The following DNAH6 variants were observed in gnomAD, a reference collection of about 807,000 sequenced individuals.
The protein encoded by DNAH6 is axonemal beta dynein heavy chain 6.
In DNAH6, 340 loss-of-function variants were observed where a neutral mutation model predicts 491.4. The ratio of observed to expected loss-of-function variants is 0.69; its 90% CI spans 0.63 to 0.76. The LOEUF is 0.76. Ranked by LOEUF, DNAH6 falls within the 30% of genes least tolerant of loss-of-function variation. DNAH6 has a pLI of 0.00. For synonymous variants in DNAH6, 1,603 were observed against 1,686.1 expected (o/e 0.95, Z 1.21); for missense variants, 4,443 against 4,972.2 (o/e 0.89, Z 3.20).
At chr2:84,586,362 G>A (rs1334565542) in intron 15 of DNAH6, among the ~76,000 whole-genome samples, 8 of 152,236 alleles carry the variant, frequency 5.3e-5, no homozygotes, top group Admixed American at 1.3e-4. Context: ...TGCAGCAGGC[G>A]TGTTGGCAGT....
In DNAH6 at chr2:84,805,745, T is replaced by C. The variant is rs75617902; in HGVS notation, c.11562T>C (p.Asn3854=). 5,075 of 1,551,646 alleles carry C rather than the reference T, an allele frequency of 3.3e-3. 19 individuals carry two copies. Among genetic ancestry groups the C allele is most frequent in the Non-Finnish European group, 4.1e-3 (4,667 of 1,146,904 alleles). ...RSSTGGEGKS[N]DEIVQELVAS... is the part of the protein sequence containing the mutation. ...CTACTGGTGGAGAGGGAAAAAGCAA[T>C]GACGAAATTGTTCAAGAACTTGTTG... Residue 3854 remains asparagine, a synonymous_variant, in exon 71 of 77, where the codon AAT becomes AAC. Coordinates refer to ENST00000389394, the MANE Select transcript of DNAH6 (RefSeq NM_001370.2).
At chr2:84,709,591 T>C in intron 55 of DNAH6, 45 bp downstream of exon 55, 2 of 1,540,058 alleles carry the variant, frequency 1.3e-6, no homozygotes, top group Middle Eastern at 2.0e-4. Context: ...TTCTGCTTAA[T>C]GTTGAGCTAG....
intron 11 of DNAH6, among the ~76,000 whole-genome samples, chr2:84,568,580 GAAC>G (rs1681462788): frequency 1.3e-5 from 2 of 152,210 alleles, no homozygotes; most frequent in South Asian, 2.1e-4. Context: ...TGGGGAGGGA[GAAC>G]AACAGGATAA....
chr2:84,597,632 C>A (rs184656559), intron 18 of DNAH6, among the ~76,000 whole-genome samples: 1 of 152,278 alleles, frequency 6.6e-6, no homozygotes, highest in East Asian at 1.9e-4. Flanking sequence ...TAATTGAAAA[C>A]GTGTGTTCAC....
At chr2:84,570,141 G>T (rs1357242948) in intron 11 of DNAH6, among the ~76,000 whole-genome samples, 1 of 152,026 alleles carries the variant, frequency 6.6e-6, no homozygotes, top group East Asian at 1.9e-4. Context: ...TACAATATGA[G>T]CCTAGAGAAT....
chr2:84,523,423 T>A (rs966538190), intron 2 of DNAH6, among the ~76,000 whole-genome samples: 1 of 152,066 alleles, frequency 6.6e-6, no homozygotes, highest in Non-Finnish European at 1.5e-5. Context: ...GATTTTTTGA[T>A]CTTTTCCATT....
intron 62 of DNAH6, among the ~76,000 whole-genome samples, chr2:84,739,697 C>T (rs925301395): frequency 6.6e-6 from 1 of 152,150 alleles, no homozygotes; most frequent in African/African-American, 2.4e-5. Flanking sequence ...TCCAGGACTT[C>T]TGTTGGTTTT....
chr2:84,546,260 A>C (rs1678776394), intron 5 of DNAH6, among the ~76,000 whole-genome samples: 1 of 152,202 alleles, frequency 6.6e-6, no homozygotes, highest in Non-Finnish European at 1.5e-5. Flanking sequence ...CAAGTCCCTT[A>C]TATAAAATGG....
At chr2:84,533,929 C>T (rs1677423243) in intron 4 of DNAH6, among the ~76,000 whole-genome samples, 1 of 152,040 alleles carries the variant, frequency 6.6e-6, no homozygotes, top group African/African-American at 2.4e-5. Context: ...TATTGAAGAT[C>T]TTTTAATTTT....
intron 39 of DNAH6, among the ~76,000 whole-genome samples, chr2:84,671,981 A>G (rs1692782242): frequency 6.6e-6 from 1 of 152,238 alleles, no homozygotes; most frequent in African/African-American, 2.4e-5. Context: ...AAAGAAAATG[A>G]TGTTCCTCAT....
intron 63 of DNAH6, among the ~76,000 whole-genome samples, chr2:84,747,009 G>A (rs1190314109): frequency 6.6e-6 from 1 of 152,000 alleles, no homozygotes; most frequent in Non-Finnish European, 1.5e-5. Flanking sequence ...AATTTATGAG[G>A]GATCCATCTC....
In DNAH6 at chr2:84,682,041, G is replaced by T. The variant is rs372029194; in HGVS notation, c.6916+513G>T. Reference sequence around the variant, plus strand: ...TCTTTAAGACCCATATCCCCTGATGGTACCCCTCCCATTTCTCTGCTCTTT... The same window carrying T: ...TCTTTAAGACCCATATCCCCTGATGTTACCCCTCCCATTTCTCTGCTCTTT... On this transcript the variant is annotated intron_variant, in intron 42 of 76. Coordinates refer to ENST00000389394, the MANE Select transcript of DNAH6 (RefSeq NM_001370.2). 3.3e-5 allele frequency among the ~76,000 whole-genome samples: 5 copies of T among 152,006 alleles called. No homozygotes were observed. In the South Asian group the frequency reaches 1.0e-3, roughly 32 times the overall value.
intron 13 of DNAH6, among the ~76,000 whole-genome samples, chr2:84,577,618 C>T (rs966240759): frequency 8.5e-5 from 13 of 152,084 alleles, no homozygotes; most frequent in Non-Finnish European, 1.9e-4. Flanking sequence ...GAGGGGACTG[C>T]AGGCCTCACA....
At chr2:84,532,453 G>A (rs1476038335) in intron 4 of DNAH6, among the ~76,000 whole-genome samples, 1 of 152,088 alleles carries the variant, frequency 6.6e-6, no homozygotes, top group Non-Finnish European at 1.5e-5. Context: ...AGCTAAACTG[G>A]AAGTTAAACA....
At chr2:84,619,597 G>A in intron 23 of DNAH6, 88 bp from the exon 24 acceptor site, 1 of 1,199,702 alleles carries the variant, frequency 8.3e-7, no homozygotes, top group Non-Finnish European at 1.2e-6. Context: ...GGACAGGGAA[G>A]AGATGTGGCT....
chr2:84,609,119 C>T (rs965815338), intron 21 of DNAH6, among the ~76,000 whole-genome samples: 1 of 152,186 alleles, frequency 6.6e-6, no homozygotes, highest in Non-Finnish European at 1.5e-5. Flanking sequence ...GGTCTTGCCT[C>T]AGACTAGGCT....
chr2:84,677,156 TAGGCAACAGG>T lies in DNAH6; in HGVS notation c.6744+24_6744+33del. 1 of 1,551,526 alleles carries T rather than the reference TAGGCAACAGG, an allele frequency of 6.4e-7. No individual in the cohort carries two copies. Among genetic ancestry groups the T allele is most frequent in the Non-Finnish European group, 8.7e-7 (1 of 1,146,848 alleles). On this transcript the variant is annotated intron_variant, in intron 41 of 76. Coordinates refer to ENST00000389394, the MANE Select transcript of DNAH6 (RefSeq NM_001370.2). ...TTTCAGGTGAGTGTCGATTTTAACT[TAGGCAACAGG>T]AGGAAAAGAAAGCATATTTGTTCCA...
chr2:84,788,570 T>G (rs1276205568), intron 68 of DNAH6, among the ~76,000 whole-genome samples: 1 of 152,224 alleles, frequency 6.6e-6, no homozygotes, highest in Non-Finnish European at 1.5e-5. Context: ...ATTTCAAAAC[T>G]TACTGCAAAA....
rs1684518061 is a variant in DNAH6, at chr2:84,595,761, A to C, written c.2840A>C (p.Lys947Thr). 5 of 1,547,058 alleles carry C rather than the reference A, an allele frequency of 3.2e-6. No individual in the cohort carries two copies. The highest frequency in any genetic ancestry group is 4.4e-6 in the Non-Finnish European group (5 of 1,145,796). ...CCCAACAGTGTAGTGCCCCAGCTCA[A>C]ATACAAGGTGGAAAAAATGAAAGAA... ...LPPNSVVPQLKYKVEKMKEKL... is the reference protein window; with the variant it reads ...LPPNSVVPQLTYKVEKMKEKL... The change falls in exon 18 of 77, where the codon AAA (lysine) becomes ACA (threonine). Residue 947 changes from lysine to threonine, a missense_variant. Physicochemically the swap from Lys to Thr is moderately conservative, Grantham distance 78 (BLOSUM62 -1). Around this residue, in one of 3 missense-constraint regions of DNAH6, gnomAD observed 2,977 missense variants for 3,296.6 expected, o/e 0.90. Coordinates refer to ENST00000389394, the MANE Select transcript of DNAH6 (RefSeq NM_001370.2).
Sources: gnomAD v4.1 joint callset for allele counts (sites outside exome capture counted in the v4.1 genomes callset) on GRCh38, gnomAD v4.1.1 for gene constraint, gnomAD v4.1.1 regional missense constraint, MANE v1.5 for transcripts, NCBI Gene and HGNC (gene_info 2026-07-23, HGNC 2026-07-21) for gene names.